ZFHX3: variants seen among roughly 807,000 people sequenced by gnomAD.
ZFHX3 encodes zinc finger homeobox 3.
In ZFHX3, 42 loss-of-function variants were observed where a neutral mutation model predicts 279.1. That is an observed-to-expected ratio of 0.15 (90% CI 0.12 to 0.19). ZFHX3 has a LOEUF of 0.19. ZFHX3 is among the 10% of genes least tolerant of loss of function. ZFHX3 has a pLI of 1.00. For missense variants in ZFHX3, 4,981 were observed against 4,754.0 expected (o/e 1.05, Z -1.40); for synonymous variants, 2,293 against 1,957.8 (o/e 1.17, Z -4.52).
chr16:73,016,655 G>T (rs1247714169), intron 1 of ZFHX3, among the ~76,000 whole-genome samples: 1 of 151,966 alleles, frequency 6.6e-6, no homozygotes, highest in African/African-American at 2.4e-5. Context: ...CTAATTTATG[G>T]CCTTTGTTTA....
chr16:72,793,469 G>A lies in ZFHX3; in HGVS notation c.9213C>T (p.Thr3071=), dbSNP rs748070394. The change falls in exon 9 of 10, where the codon ACC becomes ACT. Residue 3071 remains threonine (T), a synonymous_variant. Transcript: ENST00000268489. This position sits in a 1 kb window ranked among gnomAD's most constrained non-coding sequence, Gnocchi z 4.3. The stretch of plus-strand genomic sequence containing the variant: ...CTTGTTGAGCCATCAACTGACGTAC[G>A]GTGGCTGGGTCAAAGTATTCTTTCT... The part of the protein sequence containing the change: ...DKEKEYFDPA[T]VRQLMAQQEL... 51 of 1,614,152 alleles carry A rather than the reference G, an allele frequency of 3.2e-5. No homozygotes were observed. The highest frequency in any genetic ancestry group is 1.6e-4 in the Middle Eastern group (1 of 6,062).
At chr16:73,255,236 A>G (rs928665773) in intron 5 of ZFHX3, among the ~76,000 whole-genome samples, 1 of 152,232 alleles carries the variant, frequency 6.6e-6, no homozygotes, top group African/African-American at 2.4e-5. Context: ...CATATACTTC[A>G]TAAATGCTAA....
At chr16:73,786,160 C>T (rs328327) in intron 1 of ZFHX3, among the ~76,000 whole-genome samples, 5,157 of 152,112 alleles carry the variant, frequency 0.034, 290 homozygotes, top group African/African-American at 0.12. Flanking sequence ...TGTGAGCCAC[C>T]GTGCCCAGCC....
intron 3 of ZFHX3, among the ~76,000 whole-genome samples, chr16:73,383,619 C>T (rs565460485): frequency 1.3e-5 from 2 of 149,048 alleles, no homozygotes; most frequent in African/African-American, 5.0e-5. Context: ...GTGGAGGCCT[C>T]TCTGTTTCCC....
intron 5 of ZFHX3, among the ~76,000 whole-genome samples, chr16:73,230,533 A>G (rs2012740586): frequency 6.6e-6 from 1 of 152,150 alleles, no homozygotes; most frequent in African/African-American, 2.4e-5. Context: ...CACCATGCAA[A>G]TGGAGGAGAA....
chr16:72,795,647 C>T lies in ZFHX3; in HGVS notation c.7035G>A (p.Lys2345=). 1 of 1,613,856 alleles carries T rather than the reference C, an allele frequency of 6.2e-7. No homozygotes were observed. Among genetic ancestry groups the T allele is most frequent in the Non-Finnish European group, 8.5e-7 (1 of 1,179,908 alleles). Residue 2345 remains lysine, a synonymous_variant, in exon 9 of 10, where the codon AAG becomes AAA. Coordinates refer to ENST00000268489, the MANE Select transcript of ZFHX3 (RefSeq NM_006885.4). ...CCTTGTAACACAGCTTCTTCTGGTG[C>T]TTGATGAGATCAAAGATGCGCTGAA... ...LVFQRIFDLI[K]HQKKLCYKDE... is the part of the protein sequence containing the mutation.
chr16:73,801,648 C>A (rs1960149617), intron 1 of ZFHX3, among the ~76,000 whole-genome samples: 1 of 152,238 alleles, frequency 6.6e-6, no homozygotes, highest in Non-Finnish European at 1.5e-5. Context: ...GAAGTCCAGA[C>A]CCTCTTCTTC....
intron 5 of ZFHX3, among the ~76,000 whole-genome samples, chr16:73,158,058 T>C (rs11865406): frequency 2.0e-5 from 3 of 151,958 alleles, no homozygotes; most frequent in Non-Finnish European, 1.5e-5. Flanking sequence ...TTGGAGGAAA[T>C]CATGTGGTAT....
At chr16:73,684,283 CCATTATTA>C (rs1410072528) in intron 1 of ZFHX3, among the ~76,000 whole-genome samples, 1 of 151,712 alleles carries the variant, frequency 6.6e-6, no homozygotes, top group Non-Finnish European at 1.5e-5. Context: ...CTCTAGGGGT[CCATTATTA>C]ATATGATTAC....
intron 5 of ZFHX3, among the ~76,000 whole-genome samples, chr16:73,174,429 A>G (rs1967613012): frequency 6.6e-6 from 1 of 152,192 alleles, no homozygotes; most frequent in Non-Finnish European, 1.5e-5. Context: ...CAAGGAATCT[A>G]TTCCGCGACT....
At chr16:72,971,111 G>A (rs1048538200) in intron 1 of ZFHX3, among the ~76,000 whole-genome samples, 9 of 152,016 alleles carry the variant, frequency 5.9e-5, no homozygotes, top group African/African-American at 9.7e-5. Context: ...TATGTAGGCC[G>A]CCCTTTTAAC....
In ZFHX3 at chr16:73,738,681, G is replaced by A. The variant is rs115464554; in HGVS notation, c.-1607-58441C>T. 5.1e-4 allele frequency among the ~76,000 whole-genome samples: 77 copies of A among 152,146 alleles called. 1 individual carries two copies. The highest frequency in any genetic ancestry group is 1.5e-3 in the African/African-American group (63 of 41,442). ...GTGGAAGAGTACCAGACATAATGTA[G>A]AACTCTCGTGAAGGTTGCTCAAAGA... On this transcript the variant is annotated intron_variant, in intron 1 of 17. Transcript: ENST00000641206.
intron 1 of ZFHX3, among the ~76,000 whole-genome samples, chr16:73,684,569 A>T (rs2053059196): frequency 6.6e-6 from 1 of 152,188 alleles, no homozygotes; most frequent in Non-Finnish European, 1.5e-5. Flanking sequence ...AAACCCACAA[A>T]TATGTTGGGT....
At chr16:73,841,019 G>A (rs1389380405) in intron 1 of ZFHX3, among the ~76,000 whole-genome samples, 1 of 152,170 alleles carries the variant, frequency 6.6e-6, no homozygotes, top group South Asian at 2.1e-4. Context: ...AAATGCATGT[G>A]TTGACTACCA....
intron 1 of ZFHX3, among the ~76,000 whole-genome samples, chr16:73,879,260 CCATCGTGGT>C (rs748484620): frequency 1.2e-3 from 180 of 147,656 alleles, no homozygotes; most frequent in Non-Finnish European, 1.9e-3. Flanking sequence ...GGAAAGACTA[CCATCGTGGT>C]CAGGAGCAGG....
intron 5 of ZFHX3, among the ~76,000 whole-genome samples, chr16:73,178,504 T>C (rs1261982792): frequency 1.3e-5 from 2 of 152,188 alleles, no homozygotes; most frequent in Non-Finnish European, 2.9e-5. Flanking sequence ...CATTTTCCTC[T>C]TTTGGATTAA....
At chr16:73,775,136 T>C (rs903921605) in intron 1 of ZFHX3, among the ~76,000 whole-genome samples, 1 of 152,182 alleles carries the variant, frequency 6.6e-6, no homozygotes, top group Non-Finnish European at 1.5e-5. Context: ...TTCAAGGTAC[T>C]CCTATGGGAA....
intron 8 of ZFHX3, among the ~76,000 whole-genome samples, chr16:73,073,769 G>GATT (rs1376305054): frequency 3.3e-5 from 5 of 152,208 alleles, no homozygotes; most frequent in African/African-American, 1.2e-4. Context: ...AAAGTGCTGG[G>GATT]ATTACAGGCA....
At chr16:73,526,470 A>G (rs1483169317) in intron 2 of ZFHX3, among the ~76,000 whole-genome samples, 2 of 152,184 alleles carry the variant, frequency 1.3e-5, no homozygotes, top group East Asian at 3.9e-4. Context: ...CCTTAATGTT[A>G]TACTTTAGCT....
Sources: allele counts gnomAD v4.1 joint callset (sites outside exome capture counted in the v4.1 genomes callset), GRCh38; gene constraint gnomAD v4.1.1; non-coding constraint Gnocchi (gnomAD v3.1); transcripts MANE v1.5; gene names NCBI Gene and HGNC (gene_info 2026-07-23, HGNC 2026-07-21).